ADAR: variants seen among roughly 807,000 people sequenced by gnomAD.
The protein encoded by ADAR is double-stranded RNA-specific adenosine deaminase.
Under a neutral mutation model 113.2 loss-of-function variants are expected in ADAR, and 41 were observed. The ratio of observed to expected loss-of-function variants is 0.36; its 90% CI spans 0.28 to 0.47. The LOEUF is 0.47. Among genes scored for constraint, ADAR ranks in the 20% least tolerant of loss-of-function variants. The probability of loss-of-function intolerance (pLI) is 1.00; values close to 1 mark genes in which losing one functional copy is unlikely to be tolerated. For synonymous variants in ADAR, 605 were observed against 572.6 expected (o/e 1.06, Z -0.81); for missense variants, 1,242 against 1,540.9 (o/e 0.81, Z 3.25).
upstream of ADAR, among the ~76,000 whole-genome samples, chr1:154,612,323 T>TTG (rs1483361131): frequency 2.3e-4 from 29 of 125,814 alleles, no homozygotes; most frequent in African/African-American, 8.2e-4. Context: ...ACTCAGTTTT[T>TTG]TTTTTTTTTT....
At chr1:154,595,544 G>T (rs1697433174) in intron 6 of ADAR, among the ~76,000 whole-genome samples, 1 of 151,904 alleles carries the variant, frequency 6.6e-6, no homozygotes. Context: ...AAAGACTATA[G>T]AATTAAGGAT....
chr1:154,590,731 A>C (rs1262396323), intron 6 of ADAR, among the ~76,000 whole-genome samples: 1 of 151,794 alleles, frequency 6.6e-6, no homozygotes, highest in Non-Finnish European at 1.5e-5. Context: ...GGAGTTCAAG[A>C]CCAGCCTGGG....
chr1:154,613,668 ACCGAGGTGGGTGGATCAC>A (rs1389863825), intron 1 of ADAR, among the ~76,000 whole-genome samples: 1 of 152,038 alleles, frequency 6.6e-6, no homozygotes, highest in Non-Finnish European at 1.5e-5. Flanking sequence ...ACTTTGGGAC[ACCGAGGTGGGTGGATCAC>A]CTGAGGTCGG....
At chr1:154,608,580 G>A (rs1339460467), upstream of ADAR, among the ~76,000 whole-genome samples, 2 of 144,482 alleles carry the variant, frequency 1.4e-5, no homozygotes, top group Admixed American at 7.4e-5. Context: ...GGCTTCAAGA[G>A]ATCCGCCCAC....
upstream of ADAR, among the ~76,000 whole-genome samples, chr1:154,611,690 C>T (rs1436607966): frequency 1.3e-5 from 2 of 152,306 alleles, no homozygotes; most frequent in East Asian, 1.9e-4. Context: ...GTGGTCAGTC[C>T]TCTCAAGGGA....
At chr1:154,585,912 G>C (rs750048120) in intron 12 of ADAR, 47 bp from the exon 13 acceptor site, 38 of 1,518,310 alleles carry the variant, frequency 2.5e-5, no homozygotes, top group Non-Finnish European at 3.3e-5. Context: ...TGCACCAAAT[G>C]CTGTTAAGAG....
intron 1 of ADAR, among the ~76,000 whole-genome samples, 192 bp downstream of exon 1, chr1:154,607,800 A>G (rs1037363410): frequency 6.6e-6 from 1 of 150,682 alleles, no homozygotes; most frequent in African/African-American, 2.4e-5. Flanking sequence ...GCTTGGCAAG[A>G]CGACACACAC....
chr1:154,586,914 CT>C (rs1377358135), intron 11 of ADAR, among the ~76,000 whole-genome samples: 3 of 151,786 alleles, frequency 2.0e-5, no homozygotes, highest in Middle Eastern at 3.2e-3. Flanking sequence ...GCAGGTTTTG[CT>C]TGTATATGCA....
intron 7 of ADAR, 28 bp from the exon 8 acceptor site, chr1:154,589,956 C>T: frequency 6.2e-7 from 1 of 1,613,024 alleles, no homozygotes; most frequent in Non-Finnish European, 8.5e-7. Flanking sequence ...TGTGTCAGCA[C>T]CACAAAGCTG....
At chr1:154,608,371 C>T (rs553525582), upstream of ADAR, among the ~76,000 whole-genome samples, 9 of 151,556 alleles carry the variant, frequency 5.9e-5, 2 homozygotes, top group African/African-American at 2.2e-4. Context: ...TCTTTTTGCC[C>T]AGGCTGGAGT....
In ADAR at chr1:154,582,133, A is replaced by C. The variant is rs886997683; in HGVS notation, c.*2673T>G. 3 of 152,520 alleles carry C rather than the reference A, an allele frequency of 2.0e-5. No homozygotes were observed. The highest frequency in any genetic ancestry group is 4.4e-5 in the Non-Finnish European group (3 of 68,016). The allele number at this position is 152,520 out of a possible 1,614,324, so 9.4% of individuals were successfully genotyped here. ...TGTTAAGTCACTGTTATCAAGGGAC[A>C]CATAAAAGCAGAATCATAAAACTGG... On this transcript the variant is annotated 3_prime_UTR_variant, in exon 15 of 15. Coordinates refer to ENST00000368474, the MANE Select transcript of ADAR (RefSeq NM_001111.5).
rs1696711874 is a variant in ADAR, at chr1:154,585,687, C to T, written c.3315+66G>A. 2.2e-6 allele frequency: 3 copies of T among 1,378,886 alleles called. No homozygotes were observed. The South Asian group carries it at 3.5e-5, about 16-fold the overall frequency. 85.4% of individuals were successfully genotyped at this position (1,378,886 alleles called of 1,614,324 possible). A position where few individuals can be genotyped will look rare whatever the true frequency, so the allele number is the denominator to read the frequency against. On this transcript the variant is annotated intron_variant, in intron 13 of 14. Transcript: ENST00000368474. ...CCCCTTGCCCACAGTGTACATTTTT[C>T]CTCTGTTTACATGACTGCTTGAAAA... is the stretch of plus-strand genomic sequence containing the variant.
intron 6 of ADAR, among the ~76,000 whole-genome samples, chr1:154,591,497 C>T (rs190717463): frequency 2.0e-5 from 3 of 152,304 alleles, no homozygotes; most frequent in African/African-American, 7.2e-5. Flanking sequence ...GGATCTTGGG[C>T]GCATGAGCTG....
At position 154,596,902 on chromosome 1, in the gene ADAR, T is replaced by C. The variant is rs1697536698; in HGVS notation, c.2173A>G (p.Thr725Ala). 1.2e-6 allele frequency: 2 copies of C among 1,614,032 alleles called. No homozygotes were observed. Among genetic ancestry groups the C allele is most frequent in the Admixed American group, 3.3e-5 (2 of 59,986 alleles). Reference sequence around the variant, plus strand: ...TCCAAAAGGCCACCCACAGGGTTGGTGTTCAGGTATCTCACGAGCTCGCCA... The same window carrying C: ...TCCAAAAGGCCACCCACAGGGTTGGCGTTCAGGTATCTCACGAGCTCGCCA... ...KIGELVRYLN[T>A]NPVGGLLEYA... The change falls in exon 6 of 15, where the codon ACC (threonine) becomes GCC (alanine). Residue 725 changes from threonine to alanine, a missense_variant. Thr to Ala is a moderately conservative substitution (Grantham distance 58). This residue lies in a region of ADAR where 780 missense variants were observed against 1,057.9 expected (regional missense o/e 0.74). Coordinates refer to ENST00000368474, the MANE Select transcript of ADAR (RefSeq NM_001111.5).
At chr1:154,600,817 A>G in intron 2 of ADAR, 1 of 632,216 alleles carries the variant, frequency 1.6e-6, no homozygotes, top group East Asian at 2.8e-5. Flanking sequence ...CAACAGAGTC[A>G]ACCTCCCCCT....
upstream of ADAR, among the ~76,000 whole-genome samples, chr1:154,611,005 T>C (rs960178977): frequency 2.6e-5 from 4 of 152,144 alleles, no homozygotes; most frequent in Non-Finnish European, 5.9e-5. Context: ...CATGTTTCTG[T>C]ATATATATGC....
rs145851568 is a variant in ADAR, at chr1:154,586,302, G to A, written c.3081C>T (p.Leu1027=). The change falls in exon 12 of 15, where the codon CTC becomes CTT. Residue 1027 remains leucine (L), a synonymous_variant. Coordinates refer to ENST00000368474, the MANE Select transcript of ADAR (RefSeq NM_001111.5). ...DIVPTWDGIR[L]GERLRTMSCS... ...AGGACATGGTACGGAGTCTCTCCCC[G>A]AGCCGAATGCCATCCCACGTAGGCA... is the stretch of plus-strand genomic sequence containing the variant. 65 of 1,614,036 alleles carry A rather than the reference G, an allele frequency of 4.0e-5. No individual in the cohort carries two copies. Among genetic ancestry groups the A allele is most frequent in the Non-Finnish European group, 4.8e-5 (57 of 1,180,040 alleles).
chr1:154,597,044 G>T, intron 5 of ADAR, 49 bp from the exon 6 acceptor site: 1 of 1,614,064 alleles, frequency 6.2e-7, no homozygotes, highest in Non-Finnish European at 8.5e-7. Flanking sequence ...TTCAGGAAAT[G>T]TTGAGGGAGT....
chr1:154,589,321 G>C, intron 9 of ADAR, 48 bp downstream of exon 9: 1 of 1,474,560 alleles, frequency 6.8e-7, no homozygotes, highest in Non-Finnish European at 9.5e-7. Context: ...CAGGGAACTG[G>C]AGCTCTCCAC....
Sources: gnomAD v4.1 joint callset for allele counts (sites outside exome capture counted in the v4.1 genomes callset) on GRCh38, gnomAD v4.1.1 for gene constraint, gnomAD v4.1.1 regional missense constraint, MANE v1.5 for transcripts, NCBI Gene and HGNC (gene_info 2026-07-23, HGNC 2026-07-21) for gene names.